The following TNS2 variants were observed in gnomAD, a reference collection of about 807,000 sequenced individuals.
The protein encoded by TNS2 is tensin 2, also known as tensin-2.
TNS2 carries 77 observed loss-of-function variants against 155.7 expected under a neutral mutation model. That is an observed-to-expected ratio of 0.49 (90% CI 0.41 to 0.60). The LOEUF is 0.60. Among genes scored for constraint, TNS2 ranks in the 20% least tolerant of loss-of-function variants. The pLI is 0.00. For missense variants in TNS2, 1,703 were observed against 1,868.8 expected (o/e 0.91, Z 1.64); for synonymous variants, 726 against 763.9 (o/e 0.95, Z 0.82).
In TNS2 at chr12:53,062,014, G is replaced by A; in HGVS notation, c.3574+74G>A. ...TGCCAGAGGCAAGGTAACAGGGCAG[G>A]TGGGGGTGCTGTGCTGGCCATGCCG... On this transcript the variant is annotated intron_variant, in intron 22 of 28. Transcript: ENST00000314250. 5.6e-6 allele frequency: 9 copies of A among 1,611,394 alleles called. No homozygotes were observed. In the South Asian group the frequency reaches 9.9e-5, roughly 18 times the overall value.
rs747838935 is a variant in TNS2 at position 53,058,854 on chromosome 12, G to C, written c.1405+27G>C. The C allele has an allele frequency of 1.2e-5, 19 of 1,609,714 alleles. 1 individual carries two copies. The South Asian group carries it at 2.1e-4, about 18-fold the overall frequency. ...TGCGCAGGCAGCCTGCAGGGTGGGA[G>C]GTACAGGGTTGTGGCGGGACCCTGG... On this transcript the variant is annotated intron_variant, in intron 17 of 28. Coordinates refer to ENST00000314250, the MANE Select transcript of TNS2 (RefSeq NM_170754.4).
chr12:53,063,505 C>T lies in TNS2; in HGVS notation c.4062-58C>T. 1.2e-6 allele frequency: 2 copies of T among 1,609,856 alleles called. No individual in the cohort carries two copies. Among genetic ancestry groups the T allele is most frequent in the Non-Finnish European group, 8.5e-7 (1 of 1,177,256 alleles). On this transcript the variant is annotated intron_variant, in intron 27 of 28. Coordinates refer to ENST00000314250, the MANE Select transcript of TNS2 (RefSeq NM_170754.4). This position sits in a 1 kb window ranked among gnomAD's most constrained non-coding sequence, Gnocchi z 5.6. ...GCCCCAGCCCCAGCCCCGGCCCCGGCCCCCCTTCAGCAGCTGTCCCCTGGG... is the reference window on the plus strand; with the variant it reads ...GCCCCAGCCCCAGCCCCGGCCCCGGTCCCCCTTCAGCAGCTGTCCCCTGGG...
In TNS2 at chr12:53,060,408, C is replaced by T. The variant is rs766028896; in HGVS notation, c.2621C>T (p.Ser874Leu). Residue 874 changes from serine to leucine, a missense_variant, in exon 19 of 29, where the codon TCG (serine) becomes TTG (leucine). By Grantham distance (145) the Ser-to-Leu change is moderately radical. Transcript: ENST00000314250. This position sits in a 1 kb window ranked among gnomAD's most constrained non-coding sequence, Gnocchi z 6.1. ...CCACCTCTCCCCTTCACTGCAGAGT[C>T]GCTGGAGCCGGTGTCCTGGAGGGAG... ...ASAGPLASAE[S>L]LEPVSWREGP... 1.2e-5 allele frequency: 19 copies of T among 1,612,350 alleles called. No homozygotes were observed. The South Asian group carries it at 1.3e-4, about 11-fold the overall frequency.
In TNS2 at chr12:53,050,354, A is replaced by C. The variant is rs980317367; in HGVS notation, c.75+94A>C. On this transcript the variant is annotated intron_variant, in intron 1 of 28. Coordinates refer to ENST00000314250, the MANE Select transcript of TNS2 (RefSeq NM_170754.4). This position sits in a 1 kb window ranked among gnomAD's most constrained non-coding sequence, Gnocchi z 4.7. ...AGGAATCAGGCCAGGCCTTCTTCCC[A>C]ATTTCAGCTTCCTCAGCCTTCTTCC... 7 of 1,380,044 alleles carry C rather than the reference A, an allele frequency of 5.1e-6. No homozygotes were observed. The African/African-American group carries it at 1.0e-4, about 20-fold the overall frequency. The allele number at this position is 1,380,044 out of a possible 1,614,324, so 85.5% of individuals were successfully genotyped here.
rs138594065 is a variant in TNS2, at chr12:53,053,401, C to T, written c.223-10C>T. ...CCAGGAGCTCAGTTCCTTACTCGGT[C>T]CCCTTCCAGGTGACTTCAGCCTGTC... On this transcript the variant is annotated splice_polypyrimidine_tract_variant and intron_variant, in intron 3 of 28. Coordinates refer to ENST00000314250, the MANE Select transcript of TNS2 (RefSeq NM_170754.4). 2.3e-3 allele frequency: 3,722 copies of T among 1,614,014 alleles called. 9 individuals carry two copies. Among genetic ancestry groups the T allele is most frequent in the Middle Eastern group, 7.1e-3 (43 of 6,060 alleles).
chr12:53,062,084 G>C, intron 22 of TNS2, 69 bp from the exon 23 acceptor site: 1 of 1,611,554 alleles, frequency 6.2e-7, no homozygotes, highest in Non-Finnish European at 8.5e-7. Context: ...GCTCGGGAAA[G>C]AATCCCATTA....
chr12:53,054,492 A>C, intron 7 of TNS2, 51 bp downstream of exon 7: 1 of 1,471,612 alleles, frequency 6.8e-7, no homozygotes, highest in Non-Finnish European at 9.0e-7. Flanking sequence ...TGTAGGGTCC[A>C]GATGGGCGAG....
rs995403736 is a variant in TNS2, at chr12:53,060,576, T to G, written c.2768+21T>G. ...GAAAGGTATGCAGAGGGGCCGGGGA[T>G]GCTCGAGTGCTTTCTTGTCCAAGCA... On this transcript the variant is annotated intron_variant, in intron 19 of 28. Coordinates refer to ENST00000314250, the MANE Select transcript of TNS2 (RefSeq NM_170754.4). The surrounding 1 kb of genome is among the most constrained non-coding windows in gnomAD (Gnocchi z 6.1). The G allele has an allele frequency of 1.9e-6, 3 of 1,607,744 alleles. No individual in the cohort carries two copies. Among genetic ancestry groups the G allele is most frequent in the Admixed American group, 3.3e-5 (2 of 59,918 alleles).
chr12:53,049,258 A>G (rs1321149268), upstream of TNS2: 1 of 1,605,060 alleles, frequency 6.2e-7, no homozygotes, highest in South Asian at 1.1e-5. Flanking sequence ...GGTAGTACTC[A>G]GGCTTCGGGG....
chr12:53,060,919 G>T lies in TNS2; in HGVS notation c.3013G>T (p.Val1005Leu). The T allele has an allele frequency of 6.3e-7, 1 of 1,596,014 alleles. No homozygotes were observed. The highest frequency in any genetic ancestry group is 8.5e-7 in the Non-Finnish European group (1 of 1,171,366). Residue 1005 changes from valine to leucine, a missense_variant, in exon 20 of 29, where the codon GTG becomes TTG. Physicochemically the swap from Val to Leu is conservative, Grantham distance 32. Coordinates refer to ENST00000314250, the MANE Select transcript of TNS2 (RefSeq NM_170754.4). This position sits in a 1 kb window ranked among gnomAD's most constrained non-coding sequence, Gnocchi z 6.1. Reference protein sequence around the residue: ...HSDGASPRSPVPTTLPGLRHA... With the variant: ...HSDGASPRSPLPTTLPGLRHA... ...AGATGGCGCCAGTCCTCGGAGCCCT[G>T]TGCCCACCACACTTCCTGGCCTCCG...
chr12:53,058,666 G>A (rs1220966627), intron 16 of TNS2, 29 bp downstream of exon 16: 1 of 1,613,980 alleles, frequency 6.2e-7, no homozygotes, highest in Non-Finnish European at 8.5e-7. Context: ...GCTGGGGACT[G>A]AGGGCCGCCT....
rs1944310520 is a variant in TNS2, at chr12:53,059,723, G to A, written c.2082G>A (p.Glu694=). ...CCCTATACCCATGCCCAGCCTGCGA[G>A]GAGAAGCTGGCGCTGCCTACAGCAG... The part of the protein sequence containing the change: ...LPALYPCPAC[E]EKLALPTAAL... The change falls in exon 18 of 29, where the codon GAG becomes GAA. Residue 694 remains glutamate (E), a synonymous_variant. Coordinates refer to ENST00000314250, the MANE Select transcript of TNS2 (RefSeq NM_170754.4). This position sits in a 1 kb window ranked among gnomAD's most constrained non-coding sequence, Gnocchi z 4.7. 6.2e-7 allele frequency: 1 copy of A among 1,612,982 alleles called. No individual in the cohort carries two copies. Among genetic ancestry groups the A allele is most frequent in the Non-Finnish European group, 8.5e-7 (1 of 1,179,896 alleles).
At chr12:53,062,508 C>T in intron 24 of TNS2, 55 bp downstream of exon 24, 1 of 1,610,630 alleles carries the variant, frequency 6.2e-7, no homozygotes, top group Non-Finnish European at 8.5e-7. Flanking sequence ...GCAGCCAAAG[C>T]AGGATCCAGA....
In TNS2 at chr12:53,052,896, G is replaced by A. The variant is rs558765927; in HGVS notation, c.222+404G>A. 1.6e-4 allele frequency among the ~76,000 whole-genome samples: 24 copies of A among 152,226 alleles called. No individual in the cohort carries two copies. The South Asian group carries it at 5.0e-3, about 32-fold the overall frequency. On this transcript the variant is annotated intron_variant, in intron 3 of 28. Coordinates refer to ENST00000314250, the MANE Select transcript of TNS2 (RefSeq NM_170754.4). ...GAAGGGTCCTCAAAATGCCTGGGCG[G>A]GTCTTGTCCTGGGCCCTGGAAAAAC...
Position 53,060,990 on chromosome 12 carries a change from T to A in TNS2, c.3084T>A (p.Asp1028Glu). The part of the protein sequence containing the change: ...QGPRGPPDSP[D>E]GSPLTPVPSQ... ...CTCGAGGCCCCCCCGACAGCCCAGA[T>A]GGGTCTCCCCTCACTCCTGTGCCTT... Residue 1028 changes from aspartate to glutamate, a missense_variant, in exon 20 of 29, where the codon GAT becomes GAA. Asp to Glu is a conservative substitution (Grantham distance 45). Transcript: ENST00000314250. The surrounding 1 kb of genome is among the most constrained non-coding windows in gnomAD (Gnocchi z 6.1). The A allele has an allele frequency of 6.2e-7, 1 of 1,612,622 alleles. No homozygotes were observed.
At chr12:53,057,946 T>C (rs1944218764) in intron 13 of TNS2, 81 bp from the exon 14 acceptor site, 1 of 1,609,186 alleles carries the variant, frequency 6.2e-7, no homozygotes, top group South Asian at 1.1e-5. Flanking sequence ...GACTCTGGTC[T>C]CCTGGCTCCC....
rs765737374 is a variant in TNS2, at chr12:53,057,612, G to A, written c.891G>A (p.Met297Ile). ...FSGLLSGSIR[M>I]NSSPLFLHYV... ...GGCTGCTATCTGGCTCCATCAGAAT[G>A]AACAGCAGCCCTCTCTTCCTGCACT... Residue 297 changes from methionine (M) to isoleucine (I), a missense_variant, in exon 12 of 29, where the codon ATG (methionine) becomes ATA (isoleucine). By Grantham distance (10) the Met-to-Ile change is conservative. Transcript: ENST00000314250. The A allele has an allele frequency of 6.2e-7, 1 of 1,613,936 alleles. No homozygotes were observed. The highest frequency in any genetic ancestry group is 8.5e-7 in the Non-Finnish European group (1 of 1,179,880).
chr12:53,061,928 C>A lies in TNS2; in HGVS notation c.3562C>A (p.Gln1188Lys). The A allele has an allele frequency of 6.2e-7, 1 of 1,612,448 alleles. No individual in the cohort carries two copies. The highest frequency in any genetic ancestry group is 2.2e-5 in the East Asian group (1 of 44,874). ...LKVATPPPSA[Q>K]PWKGDPVEQL... ...GGTGGCCACACCGCCACCCAGTGCC[C>A]AGCCCTGGAAAGGTACAGAACACCC... Residue 1188 changes from glutamine (Q) to lysine (K), a missense_variant, in exon 22 of 29, where the codon CAG (glutamine) becomes AAG (lysine). Gln to Lys is a moderately conservative substitution (Grantham distance 53). Transcript: ENST00000314250.
Position 53,060,761 on chromosome 12 carries a change from C to G in TNS2, c.2855C>G (p.Ala952Gly), listed in dbSNP as rs142497165. 2.9e-4 allele frequency: 470 copies of G among 1,612,008 alleles called. 1 individual carries two copies. The African/African-American group carries it at 5.6e-3, about 19-fold the overall frequency. The change falls in exon 20 of 29, where the codon GCA (alanine) becomes GGA (glycine). Residue 952 changes from alanine to glycine, a missense_variant. Ala to Gly is a moderately conservative substitution (Grantham distance 60, BLOSUM62 0). Transcript: ENST00000314250. This position sits in a 1 kb window ranked among gnomAD's most constrained non-coding sequence, Gnocchi z 6.1. ...GAGGCCTTGCCCCCTGTTTCCCAGG[C>G]AGGCACCGGAAAGGCCCCTGAGCTG... ...PGEALPPVSQAGTGKAPELPS... is the reference protein window; with the variant it reads ...PGEALPPVSQGGTGKAPELPS...
Sources: allele counts gnomAD v4.1 joint callset (sites outside exome capture counted in the v4.1 genomes callset), GRCh38; gene constraint gnomAD v4.1.1; non-coding constraint Gnocchi (gnomAD v3.1); transcripts MANE v1.5; gene names NCBI Gene and HGNC (gene_info 2026-07-23, HGNC 2026-07-21).